MNS1: variants seen among roughly 807,000 people sequenced by gnomAD.
The protein encoded by MNS1 is meiosis specific nuclear structural 1, also known as meiosis-specific nuclear structural protein 1.
Under a neutral mutation model 72.0 loss-of-function variants are expected in MNS1, and 63 were observed. That is an observed-to-expected ratio of 0.87 (90% CI 0.71 to 1.08). The LOEUF (loss-of-function observed/expected upper bound fraction) is 1.08. MNS1 is among the 50% of genes least tolerant of loss of function. The pLI is 0.00. For missense variants in MNS1, 604 were observed against 562.4 expected, an observed-to-expected ratio of 1.07 and a Z score of -0.75; for synonymous variants, 188 against 172.1, an observed-to-expected ratio of 1.09 and a Z score of -0.72.
At chr15:56,452,604 C>T (rs191252878) in intron 3 of MNS1, among the ~76,000 whole-genome samples, 1 of 151,614 alleles carries the variant, frequency 6.6e-6, no homozygotes, top group East Asian at 1.9e-4. Flanking sequence ...CTGCAAGCTC[C>T]GCCTCCCAGG....
At chr15:56,453,372 C>A (rs931968119) in intron 3 of MNS1, among the ~76,000 whole-genome samples, 1 of 152,086 alleles carries the variant, frequency 6.6e-6, no homozygotes, top group Non-Finnish European at 1.5e-5. Context: ...GGTGATCAAT[C>A]TTCTGTTTTT....
intron 7 of MNS1, among the ~76,000 whole-genome samples, chr15:56,440,455 C>T (rs1196454180): frequency 6.6e-6 from 1 of 152,152 alleles, no homozygotes; most frequent in Non-Finnish European, 1.5e-5. Context: ...CCAGCTAATA[C>T]AATCTTGAGC....
intron 2 of MNS1, among the ~76,000 whole-genome samples, chr15:56,460,429 T>C (rs746588006): frequency 1.3e-5 from 2 of 152,142 alleles, no homozygotes; most frequent in Non-Finnish European, 2.9e-5. Context: ...ACATGACAAC[T>C]AAATGCAATC....
At chr15:56,460,890 G>T (rs1387008659) in intron 2 of MNS1, among the ~76,000 whole-genome samples, 5 of 152,136 alleles carry the variant, frequency 3.3e-5, no homozygotes, top group Non-Finnish European at 5.9e-5. Context: ...TGATTATGAA[G>T]GCAGGCAAGT....
intron 9 of MNS1, among the ~76,000 whole-genome samples, chr15:56,430,313 C>G (rs1780690753): frequency 1.3e-5 from 2 of 152,140 alleles, no homozygotes; most frequent in African/African-American, 4.8e-5. Context: ...CTCAAGCAAT[C>G]TTCCAACCTC....
chr15:56,453,833 A>G (rs2050963514), intron 3 of MNS1, among the ~76,000 whole-genome samples: 1 of 152,204 alleles, frequency 6.6e-6, no homozygotes, highest in East Asian at 1.9e-4. Flanking sequence ...GCTCAAAGAA[A>G]TATTTTCAAA....
intron 8 of MNS1, among the ~76,000 whole-genome samples, chr15:56,433,125 T>C (rs1351694563): frequency 2.6e-5 from 4 of 152,064 alleles, no homozygotes; most frequent in African/African-American, 9.7e-5. Context: ...CAAAATAGAA[T>C]TATTTGCACC....
chr15:56,456,043 G>A (rs1157481999), intron 3 of MNS1, among the ~76,000 whole-genome samples: 1 of 152,064 alleles, frequency 6.6e-6, no homozygotes, highest in East Asian at 1.9e-4. Flanking sequence ...AGTCATTCCA[G>A]AAATACTGTA....
At chr15:56,436,825 C>G (rs533892618) in intron 7 of MNS1, among the ~76,000 whole-genome samples, 2 of 152,268 alleles carry the variant, frequency 1.3e-5, no homozygotes, top group East Asian at 1.9e-4. Flanking sequence ...CTATAAACAC[C>G]TCTACGCAAA....
At chr15:56,460,009 A>ATATATATATATATATATATATATATAT (rs1555449667) in intron 2 of MNS1, among the ~76,000 whole-genome samples, 1 of 26,386 alleles carries the variant, frequency 3.8e-5, no homozygotes, top group Non-Finnish European at 7.0e-5. Context: ...AAAAAAAAAA[A>ATATATATATATATATATATATATATAT]ATACATATAT....
intron 3 of MNS1, among the ~76,000 whole-genome samples, chr15:56,453,075 C>T (rs1161099188): frequency 6.6e-6 from 1 of 152,102 alleles, no homozygotes; most frequent in Non-Finnish European, 1.5e-5. Flanking sequence ...ACAGATATTA[C>T]AGCATGTTTC....
rs756899563 is a variant in MNS1 at position 56,443,781 on chromosome 15, G to A, written c.760C>T (p.Leu254Phe). ...TCCTCACGTTTCTTTTTTCTCCAGA[G>A]AGCCTGCTCTTTCTGAAACTCTTCT... ...YIEEFQKEQA[L>F]WRKKKREEME... The change falls in exon 6 of 10, where the codon CTC becomes TTC. Residue 254 changes from leucine to phenylalanine, a missense_variant. By Grantham distance (22) the Leu-to-Phe change is conservative (BLOSUM62 0). Coordinates refer to ENST00000260453, the MANE Select transcript of MNS1 (RefSeq NM_018365.4). 1.9e-6 allele frequency: 3 copies of A among 1,612,658 alleles called. No homozygotes were observed. The highest frequency in any genetic ancestry group is 2.5e-6 in the Non-Finnish European group (3 of 1,179,504).
intron 7 of MNS1, among the ~76,000 whole-genome samples, chr15:56,436,634 C>CA (rs1159738969): frequency 2.0e-5 from 3 of 151,986 alleles, no homozygotes; most frequent in African/African-American, 7.3e-5. Flanking sequence ...GATAGAGACA[C>CA]AAAAAACCCT....
chr15:56,431,915 A>G (rs1467271474), intron 8 of MNS1, among the ~76,000 whole-genome samples: 1 of 152,036 alleles, frequency 6.6e-6, no homozygotes, highest in Admixed American at 6.6e-5. Flanking sequence ...ATATATATAT[A>G]AAGATGATAT....
At chr15:56,442,461 C>A (rs1274151319) in intron 7 of MNS1, among the ~76,000 whole-genome samples, 1 of 152,140 alleles carries the variant, frequency 6.6e-6, no homozygotes, top group African/African-American at 2.4e-5. Flanking sequence ...CAGCACTATT[C>A]ACAATGGCAA....
chr15:56,434,854 TC>T (rs1159623889), intron 7 of MNS1, among the ~76,000 whole-genome samples: 1 of 152,064 alleles, frequency 6.6e-6, no homozygotes, highest in Non-Finnish European at 1.5e-5. Flanking sequence ...CTTCTAATAT[TC>T]CCTTCATTCT....
In MNS1 at chr15:56,443,705, T is replaced by A; in HGVS notation, c.836A>T (p.Gln279Leu). The change falls in exon 6 of 10, where the codon CAA (glutamine) becomes CTA (leucine). Residue 279 changes from glutamine to leucine, a missense_variant. Transcript: ENST00000260453. The stretch of plus-strand genomic sequence containing the variant: ...TTTTGCCATCCGATCTTCTTCTCTT[T>A]GCTGCTGCATGTTAGCAAACTCTAT... ...KIIEFANMQQQREEDRMAKVQ... is the reference protein window; with the variant it reads ...KIIEFANMQQLREEDRMAKVQ... 1 of 1,613,526 alleles carries A rather than the reference T, an allele frequency of 6.2e-7. No homozygotes were observed. Among genetic ancestry groups the A allele is most frequent in the South Asian group, 1.1e-5 (1 of 91,014 alleles).
At chr15:56,434,761 A>C (rs1489928054) in intron 7 of MNS1, among the ~76,000 whole-genome samples, 2 of 152,132 alleles carry the variant, frequency 1.3e-5, no homozygotes, top group African/African-American at 4.8e-5. Flanking sequence ...TCTTGCTTAC[A>C]AAAGCTGTCC....
At chr15:56,453,857 A>AT (rs1367725639) in intron 3 of MNS1, among the ~76,000 whole-genome samples, 1 of 152,130 alleles carries the variant, frequency 6.6e-6, no homozygotes, top group Non-Finnish European at 1.5e-5. Context: ...AACTTCAATG[A>AT]TTTTTTAAAT....
Sources: gnomAD v4.1 joint callset for allele counts (sites outside exome capture counted in the v4.1 genomes callset) on GRCh38, gnomAD v4.1.1 for gene constraint, MANE v1.5 for transcripts, NCBI Gene and HGNC (gene_info 2026-07-23, HGNC 2026-07-21) for gene names.